The following PLXNA2 variants were observed in gnomAD, a reference collection of about 807,000 sequenced individuals.
PLXNA2 encodes the protein plexin A2, also known as plexin-A2.
A neutral mutation model predicts 193.5 loss-of-function variants in PLXNA2; 91 were observed. The observed-to-expected ratio is 0.47, with a 90% CI of 0.40 to 0.56. PLXNA2 has a LOEUF of 0.56. Among genes scored for constraint, PLXNA2 ranks in the 20% least tolerant of loss-of-function variants. The pLI is 0.00. For missense variants in PLXNA2, 1,995 were observed against 2,503.2 expected (o/e 0.80, Z 4.33); for synonymous variants, 997 against 1,027.3 (o/e 0.97, Z 0.56).
At chr1:208,143,434 A>G (rs1376874631) in intron 3 of PLXNA2, among the ~76,000 whole-genome samples, 2 of 152,316 alleles carry the variant, frequency 1.3e-5, no homozygotes, top group South Asian at 2.1e-4. Flanking sequence ...TGCTGTTACT[A>G]TAAGGGTTTG....
intron 27 of PLXNA2, 105 bp from the exon 28 acceptor site, chr1:208,033,614 C>T (rs894911278): frequency 8.1e-6 from 7 of 862,426 alleles, no homozygotes; most frequent in Admixed American, 2.9e-5. Flanking sequence ...TCAGAATAAA[C>T]TCATTTCAGC....
chr1:208,164,371 C>T (rs971126310), intron 3 of PLXNA2, among the ~76,000 whole-genome samples: 2 of 152,338 alleles, frequency 1.3e-5, no homozygotes, highest in South Asian at 4.1e-4. Context: ...CAGGACTCTG[C>T]AGTTCTTTGC....
At chr1:208,171,098 A>G (rs1285288614) in intron 3 of PLXNA2, among the ~76,000 whole-genome samples, 1 of 152,166 alleles carries the variant, frequency 6.6e-6, no homozygotes, top group African/African-American at 2.4e-5. Flanking sequence ...GAACCAGGGG[A>G]CATAGATTAA....
chr1:208,242,355 T>C (rs1003177174), intron 1 of PLXNA2, among the ~76,000 whole-genome samples: 3 of 152,220 alleles, frequency 2.0e-5, no homozygotes, highest in Non-Finnish European at 2.9e-5. Context: ...GATACTCATC[T>C]TGGCCTGCCG....
At chr1:208,103,011 C>T in intron 5 of PLXNA2, 136 bp downstream of exon 5, 1 of 701,890 alleles carries the variant, frequency 1.4e-6, no homozygotes, top group Middle Eastern at 2.3e-4. Context: ...CTGCTCTCAA[C>T]ACTGAAGCCA....
intron 12 of PLXNA2, among the ~76,000 whole-genome samples, chr1:208,065,810 GA>G (rs1665777709): frequency 1.3e-5 from 2 of 152,164 alleles, no homozygotes; most frequent in East Asian, 3.9e-4. Flanking sequence ...GATTCAGAGC[GA>G]GACATCATCC....
chr1:208,132,301 C>T (rs148874055), intron 4 of PLXNA2, among the ~76,000 whole-genome samples: 96 of 152,252 alleles, frequency 6.3e-4, no homozygotes, highest in African/African-American at 2.2e-3. Context: ...AACCCTTTTC[C>T]TAACTGGGAG....
chr1:208,067,686 G>A (rs1470757540), intron 12 of PLXNA2, among the ~76,000 whole-genome samples: 5 of 152,190 alleles, frequency 3.3e-5, no homozygotes, highest in African/African-American at 4.8e-5. Context: ...ATGCAGTACA[G>A]GTTTGCAGCC....
At chr1:208,202,344 A>C (rs1670578413) in intron 3 of PLXNA2, among the ~76,000 whole-genome samples, 1 of 152,200 alleles carries the variant, frequency 6.6e-6, no homozygotes, top group African/African-American at 2.4e-5. Context: ...CACACAGTAC[A>C]TATTCAATAA....
chr1:208,095,124 C>A (rs185894529), intron 8 of PLXNA2, among the ~76,000 whole-genome samples: 6 of 152,200 alleles, frequency 3.9e-5, no homozygotes, highest in Non-Finnish European at 8.8e-5. Flanking sequence ...GACCTCTCCC[C>A]TTGCTGAATG....
At position 208,023,289 on chromosome 1, in the gene PLXNA2, C is replaced by T. The variant is rs918683332; in HGVS notation, c.*3954G>A. 6.6e-6 allele frequency: 1 copy of T among 152,630 alleles called. No homozygotes were observed. Among genetic ancestry groups the T allele is most frequent in the Non-Finnish European group, 1.5e-5 (1 of 68,052 alleles). 9.5% of individuals were successfully genotyped at this position (152,630 alleles called of 1,614,324 possible). Reference sequence around the variant, plus strand: ...GGCTGGGAAAAAAAGACGGCCTCTCCTGGAGCAGCTGCTGGATCAGTATTT... The same window carrying T: ...GGCTGGGAAAAAAAGACGGCCTCTCTTGGAGCAGCTGCTGGATCAGTATTT... On this transcript the variant is annotated 3_prime_UTR_variant, in exon 32 of 32. Transcript: ENST00000367033.
At chr1:208,034,659 A>G (rs373573417) in intron 26 of PLXNA2, 67 bp from the exon 27 acceptor site, 5 of 970,858 alleles carry the variant, frequency 5.2e-6, no homozygotes, top group Admixed American at 3.5e-5. Context: ...TGGATAGTCA[A>G]GTATTTCTAG....
chr1:208,202,036 T>A (rs1040073989), intron 3 of PLXNA2, among the ~76,000 whole-genome samples: 1 of 151,432 alleles, frequency 6.6e-6, no homozygotes. Context: ...TGGAATGCAG[T>A]GGTGCAATCT....
chr1:208,158,144 G>A (rs778853094), intron 3 of PLXNA2, among the ~76,000 whole-genome samples: 2 of 152,170 alleles, frequency 1.3e-5, no homozygotes, highest in Admixed American at 6.5e-5. Flanking sequence ...CTTCTTCCCC[G>A]TTGAAAGAGA....
intron 29 of PLXNA2, chr1:208,030,515 G>A: frequency 1.0e-6 from 1 of 985,414 alleles, no homozygotes; most frequent in Non-Finnish European, 1.2e-6. Flanking sequence ...TAACCCCAGG[G>A]CCACCCCAGC....
chr1:208,057,448 G>T (rs1169191042), intron 13 of PLXNA2, among the ~76,000 whole-genome samples: 1 of 152,210 alleles, frequency 6.6e-6, no homozygotes, highest in Non-Finnish European at 1.5e-5. Flanking sequence ...AGGTGAGGTT[G>T]TTGGCAGGGG....
At position 208,052,352 on chromosome 1, in the gene PLXNA2, C is replaced by T. The variant is rs752454014; in HGVS notation, c.2968G>A (p.Gly990Ser). 1 of 1,613,364 alleles carries T rather than the reference C, an allele frequency of 6.2e-7. No individual in the cohort carries two copies. Among genetic ancestry groups the T allele is most frequent in the Non-Finnish European group, 8.5e-7 (1 of 1,180,020 alleles). The stretch of plus-strand genomic sequence containing the variant: ...CCGTAGAACTCGCAGGTCTGGTTGC[C>T]CAGGTAGACTGCCACGCTGCTCCCA... The part of the protein sequence containing the change: ...GAGSSVAVYL[G>S]NQTCEFYGRS... The change falls in exon 15 of 32, where the codon GGC becomes AGC. Residue 990 changes from glycine to serine, a missense_variant. Physicochemically the swap from Gly to Ser is moderately conservative, Grantham distance 56. Around this residue, in one of 3 missense-constraint regions of PLXNA2, gnomAD observed 1,291 missense variants for 1,673.6 expected, o/e 0.77. Coordinates refer to ENST00000367033, the MANE Select transcript of PLXNA2 (RefSeq NM_025179.4).
At chr1:208,027,637 G>A (rs780056151) in intron 31 of PLXNA2, among the ~76,000 whole-genome samples, 7 of 152,110 alleles carry the variant, frequency 4.6e-5, no homozygotes, top group African/African-American at 7.2e-5. Context: ...TTTTCCAAAG[G>A]TATCCTAATC....
chr1:208,140,825 G>A (rs1249795865), intron 4 of PLXNA2, among the ~76,000 whole-genome samples: 2 of 152,204 alleles, frequency 1.3e-5, no homozygotes, highest in Non-Finnish European at 2.9e-5. Flanking sequence ...TAGGCTATTT[G>A]GGTACCTGTC....
Sources: gnomAD v4.1 joint callset for allele counts (sites outside exome capture counted in the v4.1 genomes callset) on GRCh38, gnomAD v4.1.1 for gene constraint, gnomAD v4.1.1 regional missense constraint, MANE v1.5 for transcripts, NCBI Gene and HGNC (gene_info 2026-07-23, HGNC 2026-07-21) for gene names.